MARCHF1: variants seen among roughly 807,000 people sequenced by gnomAD.
MARCHF1 encodes membrane associated ring-CH-type finger 1.
In MARCHF1, 40 loss-of-function variants were observed where a neutral mutation model predicts 54.2. The ratio of observed to expected loss-of-function variants is 0.74; its 90% CI spans 0.57 to 0.96. The LOEUF (loss-of-function observed/expected upper bound fraction) is 0.96. Among genes scored for constraint, MARCHF1 ranks in the 40% least tolerant of loss-of-function variants. MARCHF1 has a pLI of 0.00. For synonymous variants in MARCHF1, 236 were observed against 236.3 expected (o/e 1.00, Z 0.01); for missense variants, 586 against 656.5 (o/e 0.89, Z 1.17).
chr4:164,263,136 G>A (rs1157190121), intron 1 of MARCHF1, among the ~76,000 whole-genome samples: 7 of 150,058 alleles, frequency 4.7e-5, no homozygotes, highest in African/African-American at 1.5e-4. Flanking sequence ...GTGTGTACGC[G>A]TGCGTGTGTG....
chr4:163,738,182 C>T (rs1746101971), intron 4 of MARCHF1, among the ~76,000 whole-genome samples: 2 of 152,138 alleles, frequency 1.3e-5, no homozygotes, highest in Admixed American at 1.3e-4. Flanking sequence ...TTCAAATTGG[C>T]TTCAATTAGT....
chr4:164,197,706 C>T (rs764974964), intron 1 of MARCHF1: 148 of 1,611,896 alleles, frequency 9.2e-5, no homozygotes, highest in Non-Finnish European at 1.1e-4. Context: ...GTCTGCCCAT[C>T]TCCATCTCTC....
intron 1 of MARCHF1, among the ~76,000 whole-genome samples, chr4:164,284,980 A>C (rs1335720599): frequency 7.0e-6 from 1 of 143,502 alleles, no homozygotes; most frequent in African/African-American, 2.6e-5. Context: ...TGAACTGATC[A>C]CATCATAATA....
intron 1 of MARCHF1, among the ~76,000 whole-genome samples, chr4:164,112,753 G>T (rs1487390003): frequency 6.6e-6 from 1 of 151,762 alleles, no homozygotes; most frequent in African/African-American, 2.4e-5. Flanking sequence ...AATCAGATCA[G>T]TTAGAGAAAC....
intron 1 of MARCHF1, among the ~76,000 whole-genome samples, chr4:164,229,733 GAA>G (rs1451895029): frequency 2.0e-5 from 3 of 152,122 alleles, no homozygotes; most frequent in Admixed American, 2.0e-4. Flanking sequence ...GGCAGAAGGC[GAA>G]GGGGGAGTAC....
chr4:163,734,240 A>G (rs1042041869), intron 4 of MARCHF1, among the ~76,000 whole-genome samples: 18 of 152,192 alleles, frequency 1.2e-4, no homozygotes, highest in African/African-American at 3.9e-4. Flanking sequence ...ATGTATAAAG[A>G]GACAGCTACT....
intron 4 of MARCHF1, among the ~76,000 whole-genome samples, chr4:163,843,953 T>C (rs900098818): frequency 3.9e-5 from 6 of 152,082 alleles, no homozygotes; most frequent in African/African-American, 1.4e-4. Flanking sequence ...CTCATGCCCC[T>C]TGCTCATTTT....
At chr4:163,541,933 C>G (rs953291185) in intron 9 of MARCHF1, among the ~76,000 whole-genome samples, 4 of 152,212 alleles carry the variant, frequency 2.6e-5, no homozygotes, top group African/African-American at 9.6e-5. Flanking sequence ...ATAATTTGAA[C>G]ATAAATACAA....
chr4:164,311,129 A>G (rs532945843), intron 1 of MARCHF1, among the ~76,000 whole-genome samples: 4 of 152,156 alleles, frequency 2.6e-5, no homozygotes, highest in African/African-American at 9.6e-5. Flanking sequence ...GTATGCTAAC[A>G]GGTGAGTGCT....
chr4:164,286,022 T>C (rs1456858739), intron 1 of MARCHF1, among the ~76,000 whole-genome samples: 3 of 151,952 alleles, frequency 2.0e-5, no homozygotes, highest in South Asian at 2.1e-4. Context: ...AATAATGACA[T>C]AGCAACAGAA....
intron 1 of MARCHF1, among the ~76,000 whole-genome samples, chr4:164,154,118 A>G (rs942993342): frequency 2.0e-5 from 3 of 152,226 alleles, no homozygotes. Flanking sequence ...AATTGTTTAC[A>G]TGTACTTCTG....
intron 4 of MARCHF1, among the ~76,000 whole-genome samples, chr4:163,818,189 C>T (rs1270309152): frequency 6.6e-6 from 1 of 152,052 alleles, no homozygotes; most frequent in African/African-American, 2.4e-5. Context: ...TAGGTTGCTT[C>T]ATTTACTAAT....
intron 2 of MARCHF1, among the ~76,000 whole-genome samples, chr4:164,052,252 G>T (rs1754387241): frequency 1.4e-5 from 1 of 69,538 alleles, no homozygotes; most frequent in Non-Finnish European, 3.8e-5. Context: ...GCTGGGCATA[G>T]TGGCTCACGC....
rs548017976 is a variant in MARCHF1, at chr4:163,903,155, G to GA, written c.-38-48987dup. Among the ~76,000 whole-genome samples, 113 of 150,526 alleles carry GA rather than the reference G, an allele frequency of 7.5e-4. 1 individual carries two copies. The highest frequency in any genetic ancestry group is 3.4e-3 in the Middle Eastern group (1 of 294). ...AATCTTGTAAATTTACTTTATATTT[G>GA]AAAAAAAAAGTCCCAAATACTTAAC... is the stretch of plus-strand genomic sequence containing the variant. On this transcript the variant is annotated intron_variant, in intron 3 of 9. Coordinates refer to ENST00000514618, the MANE Select transcript of MARCHF1 (RefSeq NM_001394959.1).
intron 2 of MARCHF1, among the ~76,000 whole-genome samples, chr4:164,081,739 C>T (rs1755105948): frequency 6.6e-6 from 1 of 152,076 alleles, no homozygotes; most frequent in African/African-American, 2.4e-5. Flanking sequence ...CACACACACA[C>T]ATACACACAC....
At chr4:164,264,877 G>A (rs183997841) in intron 1 of MARCHF1, among the ~76,000 whole-genome samples, 10 of 148,518 alleles carry the variant, frequency 6.7e-5, no homozygotes, top group African/African-American at 2.3e-4. Context: ...CCAAAATCAC[G>A]CCATTGCACT....
At chr4:164,255,717 G>A (rs374931556) in intron 1 of MARCHF1, among the ~76,000 whole-genome samples, 46 of 152,064 alleles carry the variant, frequency 3.0e-4, no homozygotes, top group African/African-American at 1.1e-3. Context: ...TATAACAATT[G>A]GGAGTTTTTA....
At chr4:163,589,996 T>A (rs1740533901) in intron 7 of MARCHF1, among the ~76,000 whole-genome samples, 1 of 151,992 alleles carries the variant, frequency 6.6e-6, no homozygotes, top group Admixed American at 6.6e-5. Context: ...TTACATTATT[T>A]CTAGCTATCT....
At chr4:164,077,792 G>T (rs142770217) in intron 2 of MARCHF1, among the ~76,000 whole-genome samples, 3 of 152,070 alleles carry the variant, frequency 2.0e-5, no homozygotes, top group African/African-American at 4.8e-5. Flanking sequence ...GCTCATCATC[G>T]CTGGTCATTA....
Sources: gnomAD v4.1 joint callset for allele counts (sites outside exome capture counted in the v4.1 genomes callset) on GRCh38, gnomAD v4.1.1 for gene constraint, MANE v1.5 for transcripts, NCBI Gene and HGNC (gene_info 2026-07-23, HGNC 2026-07-21) for gene names.